Variants in DRD3 observed in about 807,000 individuals in gnomAD.
DRD3 encodes dopamine receptor D3.
In DRD3, 19 loss-of-function variants were observed where a neutral mutation model predicts 36.3. The observed-to-expected ratio is 0.52, with a 90% CI of 0.36 to 0.77. DRD3 has a LOEUF of 0.77. DRD3 is among the 30% of genes least tolerant of loss of function. The pLI, the probability that DRD3 is intolerant of heterozygous loss-of-function variation, is 0.00. For missense variants in DRD3, 465 were observed against 505.3 expected (o/e 0.92, Z 0.77); for synonymous variants, 195 against 203.7 (o/e 0.96, Z 0.36).
At chr3:114,156,380 TCTTTCTC>T (rs2077667588) in intron 3 of DRD3, among the ~76,000 whole-genome samples, 1 of 152,202 alleles carries the variant, frequency 6.6e-6, no homozygotes, top group Admixed American at 6.5e-5. Flanking sequence ...CTTGACAGCA[TCTTTCTC>T]CTGGAATCTT....
At chr3:114,154,088 C>T (rs529810661) in intron 3 of DRD3, among the ~76,000 whole-genome samples, 10 of 152,266 alleles carry the variant, frequency 6.6e-5, no homozygotes, top group Admixed American at 4.6e-4. Context: ...TCAGGAGATT[C>T]CATTTCTAGT....
At chr3:114,170,886 T>A (rs898250317) in intron 2 of DRD3, among the ~76,000 whole-genome samples, 2 of 152,294 alleles carry the variant, frequency 1.3e-5, no homozygotes, top group Middle Eastern at 3.4e-3. Flanking sequence ...CAGGTTTTTT[T>A]AAAAAAACAT....
rs1421997801 is a variant in DRD3, at chr3:114,131,275, C to T, written c.849G>A (p.Arg283=). 6.2e-7 allele frequency: 1 copy of T among 1,614,090 alleles called. No homozygotes were observed. Among genetic ancestry groups the T allele is most frequent in the Non-Finnish European group, 8.5e-7 (1 of 1,180,056 alleles). Residue 283 remains arginine, a synonymous_variant, in exon 6 of 7, where the codon CGG becomes CGA. Coordinates refer to ENST00000383673, the MANE Select transcript of DRD3 (RefSeq NM_000796.6). ...GGELKREEKT[R]NSLSPTIAPK... ...GCGCTATGGTGGGACTCAGGGAATT[C>T]CGAGTCTTCTCCTCTCTTTTCAACT...
chr3:114,195,595 T>G (rs2078032373), intron 1 of DRD3, among the ~76,000 whole-genome samples: 1 of 152,188 alleles, frequency 6.6e-6, no homozygotes, highest in Non-Finnish European at 1.5e-5. Context: ...AGACATAAAT[T>G]GACTTTTAAA....
chr3:114,188,103 C>T (rs1392578821), intron 1 of DRD3, among the ~76,000 whole-genome samples: 1 of 152,046 alleles, frequency 6.6e-6, no homozygotes, highest in East Asian at 1.9e-4. Context: ...AACAGAAAAC[C>T]CCTTCTCAAT....
intron 1 of DRD3, among the ~76,000 whole-genome samples, chr3:114,174,554 C>A (rs1417374202): frequency 6.6e-6 from 1 of 152,172 alleles, no homozygotes; most frequent in Non-Finnish European, 1.5e-5. Flanking sequence ...ATCACAGTTG[C>A]ATGGATTTCT....
At chr3:114,129,370 C>A (rs2077406925) in intron 6 of DRD3, among the ~76,000 whole-genome samples, 6 of 152,064 alleles carry the variant, frequency 3.9e-5, no homozygotes, top group Admixed American at 2.0e-4. Context: ...ACAAAAAAAA[C>A]CCAACCCTAT....
chr3:114,192,960 T>A (rs78913289), intron 1 of DRD3, among the ~76,000 whole-genome samples: 7,055 of 151,810 alleles, frequency 0.046, 225 homozygotes, highest in Middle Eastern at 0.12. Flanking sequence ...ATTGGAAATT[T>A]AAAAAAAAGC....
intron 4 of DRD3, among the ~76,000 whole-genome samples, chr3:114,140,982 A>G (rs1403599853): frequency 6.6e-6 from 1 of 152,208 alleles, no homozygotes; most frequent in African/African-American, 2.4e-5. Flanking sequence ...CAGGTCTGCT[A>G]TTTATTAACT....
chr3:114,131,500 A>C (rs979088112), intron 5 of DRD3, 100 bp from the exon 6 acceptor site: 1 of 1,459,586 alleles, frequency 6.9e-7, no homozygotes, highest in Non-Finnish European at 9.1e-7. Context: ...GGAAGACGGC[A>C]ACACAGTTGT....
intron 4 of DRD3, among the ~76,000 whole-genome samples, chr3:114,142,071 AAG>A (rs1282504733): frequency 4.9e-5 from 7 of 143,212 alleles, no homozygotes; most frequent in Non-Finnish European, 1.1e-4. Flanking sequence ...AAAAAAAAAA[AAG>A]AAAAGAAAAG....
chr3:114,134,109 C>T (rs1577580262), intron 5 of DRD3, among the ~76,000 whole-genome samples: 1 of 152,140 alleles, frequency 6.6e-6, no homozygotes, highest in South Asian at 2.1e-4. Context: ...TTGTTTTCTA[C>T]GTAAGTTATT....
chr3:114,180,330 G>T (rs1356959789), upstream of DRD3, among the ~76,000 whole-genome samples: 1 of 152,122 alleles, frequency 6.6e-6, no homozygotes, highest in Non-Finnish European at 1.5e-5. Context: ...AAATTCAAGT[G>T]TTGAAGCCCT....
intron 5 of DRD3, among the ~76,000 whole-genome samples, chr3:114,137,489 C>A (rs1273840067): frequency 6.6e-6 from 1 of 152,216 alleles, no homozygotes; most frequent in Admixed American, 6.5e-5. Flanking sequence ...CTTGGGACTT[C>A]AACTTAAGAG....
At chr3:114,132,664 T>C (rs1041872551) in intron 5 of DRD3, among the ~76,000 whole-genome samples, 1 of 152,016 alleles carries the variant, frequency 6.6e-6, no homozygotes. Context: ...GTCTGGCCTT[T>C]TTGAGTTAGA....
chr3:114,172,066 T>C (rs199935593), intron 1 of DRD3, 39 bp from the exon 2 acceptor site: 2 of 1,332,536 alleles, frequency 1.5e-6, no homozygotes, highest in South Asian at 4.3e-5. Flanking sequence ...AAAATCAGAC[T>C]CTTTGGGGCT....
At chr3:114,146,640 A>C (rs1041950844) in intron 4 of DRD3, among the ~76,000 whole-genome samples, 2 of 150,740 alleles carry the variant, frequency 1.3e-5, no homozygotes, top group African/African-American at 4.9e-5. Context: ...CAGAAGTTGC[A>C]GTGAGCCTAG....
intron 3 of DRD3, among the ~76,000 whole-genome samples, chr3:114,155,130 A>C (rs2077653570): frequency 6.6e-6 from 1 of 152,228 alleles, no homozygotes; most frequent in Non-Finnish European, 1.5e-5. Flanking sequence ...CCATTTGGTT[A>C]AGTTTGTCAG....
rs568689175 is a variant in DRD3, at chr3:114,139,506, G to A, written c.717C>T (p.Pro239=). Residue 239 remains proline (P), a synonymous_variant, in exon 5 of 7, where the codon CCC becomes CCT. Transcript: ENST00000383673. ...SQCNSVRPGF[P]QQTLSPDPAH... ...CCCCCTCCAGGGTACTTACTTGCTGGGGGAAGCCAGGCCTGACACTGTTGC... is the reference window on the plus strand; with the variant it reads ...CCCCCTCCAGGGTACTTACTTGCTGAGGGAAGCCAGGCCTGACACTGTTGC... The A allele has an allele frequency of 2.1e-5, 34 of 1,613,210 alleles. 1 individual carries two copies. The South Asian group carries it at 3.6e-4, about 17-fold the overall frequency.
Sources: gnomAD v4.1 joint callset for allele counts (sites outside exome capture counted in the v4.1 genomes callset) on GRCh38, gnomAD v4.1.1 for gene constraint, MANE v1.5 for transcripts, NCBI Gene and HGNC (gene_info 2026-07-23, HGNC 2026-07-21) for gene names.